FRMD4A: variants seen among roughly 807,000 people sequenced by gnomAD.
The protein encoded by FRMD4A is FERM domain-containing protein 4A.
A neutral mutation model predicts 129.1 loss-of-function variants in FRMD4A; 29 were observed. That is an observed-to-expected ratio of 0.22 (90% CI 0.17 to 0.31). The LOEUF (loss-of-function observed/expected upper bound fraction) is 0.31, where lower values mean the gene tolerates loss of function less well. Ranked by LOEUF, FRMD4A falls within the 10% of genes least tolerant of loss-of-function variation. The pLI, the probability that FRMD4A is intolerant of heterozygous loss-of-function variation, is 1.00. For synonymous variants in FRMD4A, 634 were observed against 571.6 expected, an observed-to-expected ratio of 1.11 and a Z score of -1.56; for missense variants, 1,272 against 1,375.8, an observed-to-expected ratio of 0.92 and a Z score of 1.19.
At chr10:14,203,199 T>A (rs1190811118) in intron 2 of FRMD4A, among the ~76,000 whole-genome samples, 1 of 152,236 alleles carries the variant, frequency 6.6e-6, no homozygotes, top group East Asian at 1.9e-4. Flanking sequence ...CTTCACTTTT[T>A]TAATTTAGAT....
At chr10:13,989,030 A>C (rs909134425) in intron 2 of FRMD4A, among the ~76,000 whole-genome samples, 1 of 131,262 alleles carries the variant, frequency 7.6e-6, no homozygotes, top group Admixed American at 8.2e-5. Context: ...ATTTTCAGTA[A>C]CTTTTTTTTT....
chr10:13,937,956 A>AC lies in FRMD4A; in HGVS notation c.46-79045_46-79044insG, dbSNP rs549764488. 2.1e-3 allele frequency among the ~76,000 whole-genome samples: 318 copies of AC among 152,280 alleles called. 1 individual carries two copies. The highest frequency in any genetic ancestry group is 7.3e-3 in the African/African-American group (303 of 41,554). On this transcript the variant is annotated intron_variant, in intron 2 of 24. Transcript: ENST00000357447. ...AAGGAAAATAAACTTCTTGTGAAAA[A>AC]ATTTACTTTTCCTTTGTATTCTTAT...
At chr10:14,148,465 T>C (rs1835426374) in intron 2 of FRMD4A, among the ~76,000 whole-genome samples, 1 of 152,170 alleles carries the variant, frequency 6.6e-6, no homozygotes, top group Non-Finnish European at 1.5e-5. Context: ...GGTTGTTGTT[T>C]AAGAAACAAT....
chr10:13,759,617 A>G (rs2091991308), intron 8 of FRMD4A, among the ~76,000 whole-genome samples: 1 of 152,208 alleles, frequency 6.6e-6, no homozygotes, highest in African/African-American at 2.4e-5. Flanking sequence ...AAATCTTTGT[A>G]AGTAGATATG....
intron 8 of FRMD4A, among the ~76,000 whole-genome samples, chr10:13,758,936 A>C (rs17153930): frequency 0.013 from 2,020 of 152,278 alleles, 82 homozygotes; most frequent in South Asian, 0.12. Context: ...GAATGTGGTC[A>C]ATTTCGACGT....
intron 2 of FRMD4A, among the ~76,000 whole-genome samples, chr10:14,157,503 A>G (rs948468102): frequency 1.4e-4 from 21 of 152,134 alleles, no homozygotes; most frequent in African/African-American, 4.8e-4. Context: ...TTCGTTTTAG[A>G]ATGGGGATGA....
intron 2 of FRMD4A, among the ~76,000 whole-genome samples, chr10:13,930,110 C>T (rs2095176357): frequency 6.6e-6 from 1 of 152,074 alleles, no homozygotes; most frequent in Non-Finnish European, 1.5e-5. Context: ...AACAATAACA[C>T]CCTATTTCAA....
intron 9 of FRMD4A, among the ~76,000 whole-genome samples, chr10:13,741,566 GC>G (rs1302563655): frequency 2.0e-5 from 3 of 152,216 alleles, no homozygotes; most frequent in East Asian, 1.9e-4. Context: ...ACGCATGAAT[GC>G]CCGGGCTGAG....
intron 2 of FRMD4A, among the ~76,000 whole-genome samples, chr10:14,081,653 T>C (rs1343828632): frequency 6.6e-6 from 1 of 152,228 alleles, no homozygotes; most frequent in African/African-American, 2.4e-5. Context: ...AGCTATGATA[T>C]ACAAAATGTC....
At chr10:14,034,755 G>T (rs761857836) in intron 2 of FRMD4A, among the ~76,000 whole-genome samples, 22 of 152,200 alleles carry the variant, frequency 1.4e-4, no homozygotes, top group Non-Finnish European at 2.6e-4. Flanking sequence ...TACAATGGCA[G>T]TGCTGTGCCT....
chr10:14,156,548 G>T (rs182705236), intron 2 of FRMD4A, among the ~76,000 whole-genome samples: 30 of 152,224 alleles, frequency 2.0e-4, no homozygotes, highest in African/African-American at 6.0e-4. Flanking sequence ...GTTACCCCTG[G>T]GAGGGGAGAG....
chr10:13,962,413 A>G (rs1213569449), intron 2 of FRMD4A, among the ~76,000 whole-genome samples: 1 of 152,260 alleles, frequency 6.6e-6, no homozygotes, highest in Non-Finnish European at 1.5e-5. Flanking sequence ...ATATGCATAT[A>G]TATGGTTTTT....
At chr10:13,899,371 C>T (rs1188250626) in intron 2 of FRMD4A, among the ~76,000 whole-genome samples, 1 of 150,448 alleles carries the variant, frequency 6.6e-6, no homozygotes, top group East Asian at 1.9e-4. Flanking sequence ...CTGTTCTGTC[C>T]CTTGGTGAGT....
intron 2 of FRMD4A, among the ~76,000 whole-genome samples, chr10:13,957,994 C>T (rs1044426852): frequency 1.3e-5 from 2 of 152,126 alleles, no homozygotes; most frequent in Non-Finnish European, 2.9e-5. Context: ...CTTCAACTTC[C>T]TCCCTAGATC....
At chr10:14,063,876 C>T (rs963281527) in intron 2 of FRMD4A, among the ~76,000 whole-genome samples, 2 of 151,990 alleles carry the variant, frequency 1.3e-5, no homozygotes, top group African/African-American at 2.4e-5. Context: ...ACTAAAAAAC[C>T]GCCCCAGGAG....
intron 19 of FRMD4A, among the ~76,000 whole-genome samples, chr10:13,661,728 GAA>G (rs1219761547): frequency 2.6e-5 from 4 of 152,192 alleles, no homozygotes; most frequent in African/African-American, 9.6e-5. Context: ...TCAGCATTGA[GAA>G]GAGAGAGGAG....
At chr10:13,802,125 C>G (rs533708290) in intron 4 of FRMD4A, among the ~76,000 whole-genome samples, 1 of 151,852 alleles carries the variant, frequency 6.6e-6, no homozygotes, top group Admixed American at 6.6e-5. Context: ...TGCAGTAGGT[C>G]AAACTGTCAG....
At position 13,665,969 on chromosome 10, in the gene FRMD4A, G is replaced by A. The variant is rs1347230098; in HGVS notation, c.1603+128C>T. 17 of 665,740 alleles carry A rather than the reference G, an allele frequency of 2.6e-5. No homozygotes were observed. In the East Asian group the frequency reaches 3.3e-4, roughly 13 times the overall value. 41.2% of individuals were successfully genotyped at this position (665,740 alleles called of 1,614,324 possible). On this transcript the variant is annotated intron_variant, in intron 18 of 24. Coordinates refer to ENST00000357447, the MANE Select transcript of FRMD4A (RefSeq NM_018027.5). ...GCCTTACTCGCTTCATTTTATGGAT[G>A]GACAAATGAAGGCAGCGGACAGTTA...
At chr10:13,944,711 C>T (rs2095319133) in intron 2 of FRMD4A, among the ~76,000 whole-genome samples, 1 of 152,192 alleles carries the variant, frequency 6.6e-6, no homozygotes, top group Non-Finnish European at 1.5e-5. Context: ...GTAGCTATTT[C>T]TGCATACTAA....
Sources: allele counts gnomAD v4.1 joint callset (sites outside exome capture counted in the v4.1 genomes callset), GRCh38; gene constraint gnomAD v4.1.1; transcripts MANE v1.5; gene names NCBI Gene and HGNC (gene_info 2026-07-23, HGNC 2026-07-21).